TNFAIP8L3: variants seen among roughly 807,000 people sequenced by gnomAD.
The protein encoded by TNFAIP8L3 is TNF alpha induced protein 8 like 3.
In TNFAIP8L3, 7 loss-of-function variants were observed where a neutral mutation model predicts 11.8. That is an observed-to-expected ratio of 0.59 (90% CI 0.34 to 1.11). The LOEUF (loss-of-function observed/expected upper bound fraction) is 1.11, where lower values mean the gene tolerates loss of function less well. Among genes scored for constraint, TNFAIP8L3 ranks in the 50% most tolerant of loss-of-function variants. The pLI is 0.03. For synonymous variants in TNFAIP8L3, 98 were observed against 103.8 expected, an observed-to-expected ratio of 0.94 and a Z score of 0.34; for missense variants, 219 against 258.6, an observed-to-expected ratio of 0.85 and a Z score of 1.05.
At chr15:51,076,122 C>A (rs533160097) in intron 1 of TNFAIP8L3, among the ~76,000 whole-genome samples, 18 of 152,304 alleles carry the variant, frequency 1.2e-4, no homozygotes, top group African/African-American at 4.1e-4. Context: ...TGCTTATAAT[C>A]TCCCTTACAT....
At chr15:51,091,370 G>C (rs2065468294) in intron 1 of TNFAIP8L3, among the ~76,000 whole-genome samples, 1 of 152,146 alleles carries the variant, frequency 6.6e-6, no homozygotes, top group South Asian at 2.1e-4. Context: ...TCTGCCAATA[G>C]GTGACTAGAA....
rs182857463 is a variant in TNFAIP8L3 at position 51,060,690 on chromosome 15, G to C, written c.53-2247C>G. On this transcript the variant is annotated intron_variant, in intron 1 of 1. Coordinates refer to ENST00000637513, the MANE Select transcript of TNFAIP8L3 (RefSeq NM_001311175.2). ...GAGTGCTGGTTCTGTGTCAGGCGCT[G>C]TTTAACCCTTTGGGCTGGGTTAAGT... Among the ~76,000 whole-genome samples the C allele has an allele frequency of 2.5e-4, 38 of 152,322 alleles. No individual in the cohort carries two copies. The East Asian group carries it at 6.9e-3, about 28-fold the overall frequency.
intron 1 of TNFAIP8L3, among the ~76,000 whole-genome samples, chr15:51,087,773 C>G (rs2065439864): frequency 6.6e-6 from 1 of 151,814 alleles, no homozygotes; most frequent in African/African-American, 2.4e-5. Flanking sequence ...CATGAACAGG[C>G]TCAAATTTAT....
Position 51,094,706 on chromosome 15 carries a change from G to C in TNFAIP8L3, c.-111C>G. On this transcript the variant is annotated 5_prime_UTR_variant, in exon 1 of 2. Transcript: ENST00000637513. The surrounding 1 kb of genome is among the most constrained non-coding windows in gnomAD (Gnocchi z 4.4). ...GGGGCGGCTGGAGCCCGGGCGGCGC[G>C]GGCGGCGCGGGCTGGGCGGTGCGCG... The C allele has an allele frequency of 9.8e-7, 1 of 1,016,282 alleles. No individual in the cohort carries two copies. Among genetic ancestry groups the C allele is most frequent in the Non-Finnish European group, 1.2e-6 (1 of 852,488 alleles). 63.0% of individuals were successfully genotyped at this position (1,016,282 alleles called of 1,614,324 possible). A position where few individuals can be genotyped will look rare whatever the true frequency, so the allele number is the denominator to read the frequency against.
intron 1 of TNFAIP8L3, among the ~76,000 whole-genome samples, chr15:51,093,774 G>C (rs1044614635): frequency 1.3e-5 from 2 of 152,110 alleles, no homozygotes; most frequent in Non-Finnish European, 2.9e-5. Context: ...GCGGCAAGTC[G>C]ACCCACGGCT....
At chr15:51,104,360 C>A (rs1298559480) in intron 1 of TNFAIP8L3, among the ~76,000 whole-genome samples, 1 of 152,154 alleles carries the variant, frequency 6.6e-6, no homozygotes, top group Non-Finnish European at 1.5e-5. Context: ...GCTTTCTCAG[C>A]CATCCTAAAG....
chr15:51,064,495 T>C (rs1420529391), intron 1 of TNFAIP8L3: 4 of 152,116 alleles, frequency 2.6e-5, no homozygotes, highest in African/African-American at 9.7e-5. Flanking sequence ...TATATATGTA[T>C]ATGACATATA....
intron 1 of TNFAIP8L3, among the ~76,000 whole-genome samples, chr15:51,093,527 C>T (rs970192067): frequency 1.3e-5 from 2 of 152,212 alleles, no homozygotes; most frequent in African/African-American, 4.8e-5. Context: ...CCTTCTGTTA[C>T]TTGGTCCCCA....
chr15:51,082,257 T>C (rs1281654797), intron 1 of TNFAIP8L3, among the ~76,000 whole-genome samples: 1 of 152,180 alleles, frequency 6.6e-6, no homozygotes, highest in African/African-American at 2.4e-5. Context: ...GCTCCTAGGC[T>C]ACAAACTTGT....
intron 1 of TNFAIP8L3, among the ~76,000 whole-genome samples, chr15:51,100,763 AG>A (rs1206058430): frequency 2.0e-5 from 3 of 151,982 alleles, no homozygotes; most frequent in Non-Finnish European, 4.4e-5. Flanking sequence ...AGGCTGGAGA[AG>A]GAAAAAAAAC....
chr15:51,080,753 A>G (rs931816823), intron 1 of TNFAIP8L3, among the ~76,000 whole-genome samples: 3 of 152,286 alleles, frequency 2.0e-5, no homozygotes, highest in Non-Finnish European at 4.4e-5. Context: ...AAAAATGGAA[A>G]CACAAAAACA....
upstream of TNFAIP8L3, among the ~76,000 whole-genome samples, chr15:51,097,885 A>G (rs979694990): frequency 6.6e-6 from 1 of 152,228 alleles, no homozygotes; most frequent in Non-Finnish European, 1.5e-5. Flanking sequence ...GAAAGAGAAA[A>G]AGGGAAAGGG....
chr15:51,065,299 T>C (rs915325392), intron 1 of TNFAIP8L3, among the ~76,000 whole-genome samples: 4 of 152,194 alleles, frequency 2.6e-5, no homozygotes, highest in Non-Finnish European at 5.9e-5. Flanking sequence ...TGAGCTAGTT[T>C]GGAGAGAGAA....
At chr15:51,059,714 A>G (rs2065230857) in intron 1 of TNFAIP8L3, among the ~76,000 whole-genome samples, 1 of 152,250 alleles carries the variant, frequency 6.6e-6, no homozygotes, top group African/African-American at 2.4e-5. Context: ...TGTACACCAA[A>G]CTGATACTAA....
intron 1 of TNFAIP8L3, among the ~76,000 whole-genome samples, chr15:51,060,538 C>T (rs1286996401): frequency 6.6e-6 from 1 of 152,232 alleles, no homozygotes; most frequent in Non-Finnish European, 1.5e-5. Flanking sequence ...TACACAGAAG[C>T]AGCAGGTCAA....
intron 1 of TNFAIP8L3, among the ~76,000 whole-genome samples, chr15:51,072,204 G>A (rs1156519929): frequency 1.3e-5 from 2 of 151,940 alleles, no homozygotes; most frequent in African/African-American, 2.4e-5. Context: ...GCAATGGCAC[G>A]ATCTCGGCTC....
chr15:51,099,506 G>A (rs1285499033), upstream of TNFAIP8L3, among the ~76,000 whole-genome samples: 1 of 152,170 alleles, frequency 6.6e-6, no homozygotes, highest in Non-Finnish European at 1.5e-5. Context: ...CCTCTGTTGT[G>A]CCCTAGCCCA....
intron 1 of TNFAIP8L3, among the ~76,000 whole-genome samples, chr15:51,074,622 G>C (rs1567290599): frequency 1.3e-5 from 2 of 152,206 alleles, no homozygotes; most frequent in Non-Finnish European, 2.9e-5. Flanking sequence ...GCCAAAAGGA[G>C]GCTCAACTCT....
intron 1 of TNFAIP8L3, among the ~76,000 whole-genome samples, chr15:51,066,549 G>C (rs2065273682): frequency 6.6e-6 from 1 of 152,164 alleles, no homozygotes; most frequent in Admixed American, 6.5e-5. Context: ...CGTCTCTCAT[G>C]CTCCATCTTT....
Sources: allele counts gnomAD v4.1 joint callset (sites outside exome capture counted in the v4.1 genomes callset), GRCh38; gene constraint gnomAD v4.1.1; non-coding constraint Gnocchi (gnomAD v3.1); transcripts MANE v1.5; gene names NCBI Gene and HGNC (gene_info 2026-07-23, HGNC 2026-07-21).